The following NELL1 variants were observed in gnomAD, a reference collection of about 807,000 sequenced individuals.
The protein encoded by NELL1 is protein kinase C-binding protein NELL1.
A neutral mutation model predicts 107.4 loss-of-function variants in NELL1; 76 were observed. The ratio of observed to expected loss-of-function variants is 0.71; its 90% CI spans 0.59 to 0.86. NELL1 has a LOEUF of 0.86. NELL1 is among the 40% of genes least tolerant of loss of function. The pLI is 0.00. For synonymous variants in NELL1, 353 were observed against 341.2 expected, an observed-to-expected ratio of 1.03 and a Z score of -0.38; for missense variants, 1,024 against 1,005.5, an observed-to-expected ratio of 1.02 and a Z score of -0.25.
intron 13 of NELL1, among the ~76,000 whole-genome samples, chr11:21,134,592 G>C (rs1855701499): frequency 6.6e-6 from 1 of 152,062 alleles, no homozygotes; most frequent in South Asian, 2.1e-4. Context: ...TTAATTTACT[G>C]TGCTTCAGAT....
intron 15 of NELL1, among the ~76,000 whole-genome samples, chr11:21,403,707 A>G (rs1309205866): frequency 2.0e-5 from 3 of 151,626 alleles, no homozygotes; most frequent in African/African-American, 7.3e-5. Context: ...AGTGAAGGAG[A>G]GAGCAGTCTT....
At chr11:21,203,084 A>T (rs573371143) in intron 13 of NELL1, among the ~76,000 whole-genome samples, 1 of 152,244 alleles carries the variant, frequency 6.6e-6, no homozygotes, top group East Asian at 1.9e-4. Context: ...GTGCTGAGAA[A>T]AATGTATATT....
intron 12 of NELL1, among the ~76,000 whole-genome samples, chr11:20,983,692 C>T (rs557499822): frequency 1.2e-4 from 18 of 152,330 alleles, no homozygotes; most frequent in Admixed American, 2.6e-4. Context: ...CCCAGCGTTT[C>T]ATGTTTCTCA....
chr11:20,734,795 G>C (rs1266468122), intron 2 of NELL1, among the ~76,000 whole-genome samples: 1 of 152,148 alleles, frequency 6.6e-6, no homozygotes, highest in Non-Finnish European at 1.5e-5. Context: ...GATATTTGAG[G>C]CCAAGGTGGT....
chr11:20,787,278 C>G (rs1001408100), intron 3 of NELL1, among the ~76,000 whole-genome samples: 2 of 151,928 alleles, frequency 1.3e-5, no homozygotes, highest in Admixed American at 6.6e-5. Context: ...CTGGTTTCTA[C>G]TCTAGTAGAG....
chr11:21,059,604 A>G (rs1219307686), intron 12 of NELL1, among the ~76,000 whole-genome samples: 1 of 152,176 alleles, frequency 6.6e-6, no homozygotes, highest in Non-Finnish European at 1.5e-5. Flanking sequence ...AGAGCTTTTT[A>G]CTTTCGGATA....
intron 14 of NELL1, among the ~76,000 whole-genome samples, chr11:21,337,820 CTTT>C (rs757905005): frequency 3.7e-5 from 1 of 27,268 alleles, no homozygotes; most frequent in African/African-American, 1.4e-4. Flanking sequence ...TGCTTTCCTT[CTTT>C]CTTTCTTTCT....
At chr11:21,112,850 G>C (rs946047319) in intron 12 of NELL1, among the ~76,000 whole-genome samples, 4 of 151,994 alleles carry the variant, frequency 2.6e-5, no homozygotes, top group Non-Finnish European at 5.9e-5. Context: ...AGCAGTCTGA[G>C]TAAAAGGAAC....
chr11:20,967,219 G>A (rs1156802056), intron 12 of NELL1, among the ~76,000 whole-genome samples: 3 of 152,070 alleles, frequency 2.0e-5, no homozygotes, highest in Admixed American at 6.6e-5. Flanking sequence ...ACAGAGACTC[G>A]TGTGAATGAA....
In NELL1 at chr11:21,196,513, C is replaced by T. The variant is rs538780656; in HGVS notation, c.1427-32819C>T. ...TGCTAGAATTATCCTGGGAACACCC[C>T]AGGATAATCGTATGGTTTATTTCTG... On this transcript the variant is annotated intron_variant, in intron 13 of 19. Coordinates refer to ENST00000357134, the MANE Select transcript of NELL1 (RefSeq NM_006157.5). Among the ~76,000 whole-genome samples, 29 of 152,192 alleles carry T rather than the reference C, an allele frequency of 1.9e-4. 1 individual carries two copies. In the South Asian group the frequency reaches 4.4e-3, roughly 23 times the overall value.
intron 2 of NELL1, among the ~76,000 whole-genome samples, chr11:20,741,591 G>C (rs1458429998): frequency 6.6e-6 from 1 of 152,072 alleles, no homozygotes; most frequent in Non-Finnish European, 1.5e-5. Context: ...TTTCATCTCT[G>C]TGAATAATCC....
chr11:20,746,566 T>TCA (rs10556247), intron 2 of NELL1, among the ~76,000 whole-genome samples: 2,546 of 149,328 alleles, frequency 0.017, 32 homozygotes, highest in African/African-American at 0.027. Context: ...GTGACAGATT[T>TCA]CACACACACA....
chr11:20,745,115 A>C (rs1384728780), intron 2 of NELL1, among the ~76,000 whole-genome samples: 2 of 152,120 alleles, frequency 1.3e-5, no homozygotes, highest in Non-Finnish European at 2.9e-5. Flanking sequence ...TATTGTCTGT[A>C]GTCTTCTGCT....
chr11:21,329,120 A>G (rs746746065), intron 14 of NELL1, among the ~76,000 whole-genome samples: 1 of 152,108 alleles, frequency 6.6e-6, no homozygotes, highest in Non-Finnish European at 1.5e-5. Context: ...GCAGAATGAT[A>G]TGGTTCATCT....
chr11:21,305,654 CTATA>C (rs1849589125), intron 14 of NELL1, among the ~76,000 whole-genome samples: 1 of 149,516 alleles, frequency 6.7e-6, no homozygotes, highest in Non-Finnish European at 1.5e-5. Context: ...AGTATAGATT[CTATA>C]TATATGTACA....
At chr11:21,198,629 G>A (rs1411489065) in intron 13 of NELL1, among the ~76,000 whole-genome samples, 3 of 152,156 alleles carry the variant, frequency 2.0e-5, no homozygotes, top group East Asian at 1.9e-4. Context: ...GTTTATAAAC[G>A]GGGTTATTTG....
chr11:21,369,362 ATTTTTTTTTT>A (rs34302489), intron 14 of NELL1, among the ~76,000 whole-genome samples: 2 of 110,418 alleles, frequency 1.8e-5, no homozygotes, highest in Non-Finnish European at 3.7e-5. Flanking sequence ...GGTAGGTACT[ATTTTTTTTTT>A]TTTTTTTTTT....
intron 3 of NELL1, among the ~76,000 whole-genome samples, chr11:20,818,829 A>G (rs558346925): frequency 1.4e-4 from 22 of 152,354 alleles, no homozygotes; most frequent in Admixed American, 2.0e-4. Context: ...GAAAATCACA[A>G]TAAATATTAG....
chr11:20,902,682 T>G (rs1248240357), intron 5 of NELL1, among the ~76,000 whole-genome samples: 1 of 152,088 alleles, frequency 6.6e-6, no homozygotes, highest in African/African-American at 2.4e-5. Flanking sequence ...AGGACTTTTT[T>G]TTTTGTTTTG....
Sources: allele counts gnomAD v4.1 joint callset (sites outside exome capture counted in the v4.1 genomes callset), GRCh38; gene constraint gnomAD v4.1.1; transcripts MANE v1.5; gene names NCBI Gene and HGNC (gene_info 2026-07-23, HGNC 2026-07-21).